SHANK2: variants seen among roughly 807,000 people sequenced by gnomAD.
SHANK2 encodes the protein SH3 and multiple ankyrin repeat domains protein 2.
SHANK2 carries 43 observed loss-of-function variants against 133.7 expected under a neutral mutation model. The ratio of observed to expected loss-of-function variants is 0.32; its 90% CI spans 0.25 to 0.41. The LOEUF is 0.41. Among genes scored for constraint, SHANK2 ranks in the 10% least tolerant of loss-of-function variants. SHANK2 has a pLI of 1.00. For synonymous variants in SHANK2, 1,017 were observed against 952.8 expected, an observed-to-expected ratio of 1.07 and a Z score of -1.24; for missense variants, 1,994 against 2,235.8, an observed-to-expected ratio of 0.89 and a Z score of 2.18.
intron 11 of SHANK2, among the ~76,000 whole-genome samples, chr11:70,875,269 T>A (rs1555070984): frequency 6.6e-6 from 1 of 152,094 alleles, no homozygotes; most frequent in African/African-American, 2.4e-5. Flanking sequence ...GCAGACAGCG[T>A]CACTCACTCC....
Position 70,777,519 on chromosome 11 carries a change from TCATCCATCCATCCATC to T in SHANK2, c.1777+20908_1777+20923del, listed in dbSNP as rs201578144. Among the ~76,000 whole-genome samples, 40 of 151,114 alleles carry T rather than the reference TCATCCATCCATCCATC, an allele frequency of 2.6e-4. 2 individuals carry two copies. The highest frequency in any genetic ancestry group is 2.5e-3 in the Admixed American group (38 of 15,208). On this transcript the variant is annotated intron_variant, in intron 14 of 25. Transcript: ENST00000601538. ...TCCATCCTCCCACCTACCTATCCAT[TCATCCATCCATCCATC>T]CATCCATCCATCCATCAGAAGTACT...
At chr11:70,722,139 G>T (rs1946086790) in intron 14 of SHANK2, among the ~76,000 whole-genome samples, 1 of 152,244 alleles carries the variant, frequency 6.6e-6, no homozygotes, top group African/African-American at 2.4e-5. Context: ...TGGGATGTGT[G>T]CTGTCTCTTG....
chr11:70,760,291 C>T (rs1423543438), intron 14 of SHANK2, among the ~76,000 whole-genome samples: 2 of 152,242 alleles, frequency 1.3e-5, no homozygotes, highest in Admixed American at 6.5e-5. Context: ...CTCACCTCCT[C>T]GAAGCGCCTG....
intron 15 of SHANK2, among the ~76,000 whole-genome samples, chr11:70,683,801 T>TC (rs1555018915): frequency 6.6e-6 from 1 of 151,880 alleles, no homozygotes; most frequent in Non-Finnish European, 1.5e-5. Flanking sequence ...TTTTTTTTTT[T>TC]CAGACAGAGT....
chr11:70,771,170 A>G (rs1235107732), intron 14 of SHANK2, among the ~76,000 whole-genome samples: 2 of 151,728 alleles, frequency 1.3e-5, no homozygotes, highest in East Asian at 1.9e-4. Context: ...CAGGTGATCT[A>G]CCCTTCTCAG....
chr11:71,064,510 G>A (rs1003406188), intron 9 of SHANK2, among the ~76,000 whole-genome samples: 4 of 152,210 alleles, frequency 2.6e-5, no homozygotes, highest in South Asian at 2.1e-4. Flanking sequence ...CCTGGGTTAT[G>A]CAAAGGGGGT....
At chr11:71,129,890 A>G (rs1452898167) in intron 3 of SHANK2, among the ~76,000 whole-genome samples, 4 of 152,172 alleles carry the variant, frequency 2.6e-5, no homozygotes, top group African/African-American at 9.7e-5. Context: ...AACCGCAGAC[A>G]TTTATTGTCT....
intron 2 of SHANK2, among the ~76,000 whole-genome samples, chr11:71,178,139 C>G (rs1055922070): frequency 2.0e-5 from 3 of 152,208 alleles, no homozygotes; most frequent in Non-Finnish European, 4.4e-5. Context: ...ATGTTCACAG[C>G]AACAGTATTC....
At chr11:70,508,903 C>T (rs1460298423) in intron 17 of SHANK2, among the ~76,000 whole-genome samples, 3 of 152,088 alleles carry the variant, frequency 2.0e-5, no homozygotes, top group East Asian at 1.9e-4. Flanking sequence ...GAAAGAGAGT[C>T]GGGGGAGTCT....
intron 11 of SHANK2, among the ~76,000 whole-genome samples, chr11:70,837,463 C>A (rs924183738): frequency 6.6e-6 from 1 of 152,230 alleles, no homozygotes; most frequent in Admixed American, 6.5e-5. Context: ...CATGAGGAGG[C>A]TTTCCTTCAC....
At chr11:70,937,015 T>C (rs1444856291) in intron 10 of SHANK2, among the ~76,000 whole-genome samples, 1 of 152,238 alleles carries the variant, frequency 6.6e-6, no homozygotes, top group Non-Finnish European at 1.5e-5. Context: ...CACTGTTAGC[T>C]GTCGCTTTTA....
At chr11:70,550,808 G>A (rs1217993641) in intron 17 of SHANK2, among the ~76,000 whole-genome samples, 1 of 152,218 alleles carries the variant, frequency 6.6e-6, no homozygotes, top group Non-Finnish European at 1.5e-5. Flanking sequence ...GGCAGGACAA[G>A]CTCCAGGAGG....
intron 14 of SHANK2, among the ~76,000 whole-genome samples, chr11:70,771,032 C>T (rs1210518558): frequency 6.7e-6 from 1 of 148,630 alleles, no homozygotes; most frequent in East Asian, 2.1e-4. Flanking sequence ...TCAAGCGATA[C>T]ACCCACCTCA....
intron 10 of SHANK2, among the ~76,000 whole-genome samples, chr11:70,922,322 G>GAA (rs1950363591): frequency 1.4e-4 from 1 of 7,030 alleles, no homozygotes; most frequent in Non-Finnish European, 8.3e-3. Flanking sequence ...ATCCTAGAAG[G>GAA]AGAGATGAAA....
intron 3 of SHANK2, among the ~76,000 whole-genome samples, chr11:71,129,841 C>T (rs1356272300): frequency 6.6e-6 from 1 of 152,182 alleles, no homozygotes; most frequent in African/African-American, 2.4e-5. Context: ...ATGAGTCACT[C>T]GGGCTGCTGT....
chr11:71,105,277 G>A (rs1394359890), intron 6 of SHANK2, among the ~76,000 whole-genome samples: 4 of 152,100 alleles, frequency 2.6e-5, no homozygotes, highest in Admixed American at 2.6e-4. Context: ...TTCTGGAAAA[G>A]GCCAAACTAC....
At chr11:70,789,866 A>C (rs1473559912) in intron 14 of SHANK2, among the ~76,000 whole-genome samples, 1 of 152,198 alleles carries the variant, frequency 6.6e-6, no homozygotes, top group Admixed American at 6.5e-5. Context: ...CATGTTCTAC[A>C]TGAATGGTGC....
rs868926653 is a variant in SHANK2, at chr11:70,892,064, G to A, written c.1174+4437C>T. ...AAGATGAGCACCTCAAGCCACCCTC[G>A]TGAGAGACCACTGTGAGCTACAAAG... On this transcript the variant is annotated intron_variant, in intron 11 of 25. Coordinates refer to ENST00000601538, the MANE Select transcript of SHANK2 (RefSeq NM_012309.5). Among the ~76,000 whole-genome samples, 38 of 152,150 alleles carry A rather than the reference G, an allele frequency of 2.5e-4. 1 individual carries two copies. Among genetic ancestry groups the A allele is most frequent in the Admixed American group, 1.8e-3 (27 of 15,276 alleles).
chr11:70,843,052 G>A (rs1384003064), intron 11 of SHANK2, among the ~76,000 whole-genome samples: 1 of 152,218 alleles, frequency 6.6e-6, no homozygotes, highest in Non-Finnish European at 1.5e-5. Context: ...CCCAGAGCGG[G>A]CTGGGCAGAC....
Sources: gnomAD v4.1 joint callset for allele counts (sites outside exome capture counted in the v4.1 genomes callset) on GRCh38, gnomAD v4.1.1 for gene constraint, MANE v1.5 for transcripts, NCBI Gene and HGNC (gene_info 2026-07-23, HGNC 2026-07-21) for gene names.